EHMT1: variants seen among roughly 807,000 people sequenced by gnomAD.
EHMT1 encodes the protein histone-lysine N-methyltransferase EHMT1.
EHMT1 carries 15 observed loss-of-function variants against 147.2 expected under a neutral mutation model. The observed-to-expected ratio is 0.10, with a 90% CI of 0.07 to 0.16. The LOEUF is 0.16. Ranked by LOEUF, EHMT1 falls within the 10% of genes least tolerant of loss-of-function variation. The pLI is 1.00. For synonymous variants in EHMT1, 795 were observed against 709.6 expected, an observed-to-expected ratio of 1.12 and a Z score of -1.91; for missense variants, 1,587 against 1,772.4, an observed-to-expected ratio of 0.90 and a Z score of 1.88.
At chr9:137,811,726 C>T in intron 19 of EHMT1, 111 bp downstream of exon 19, 2 of 1,427,400 alleles carry the variant, frequency 1.4e-6, no homozygotes, top group Non-Finnish European at 1.9e-6. Context: ...GACACAGGCC[C>T]TCTGTTCCTT....
chr9:137,649,470 A>G (rs1166206663), intron 1 of EHMT1, among the ~76,000 whole-genome samples: 2 of 151,714 alleles, frequency 1.3e-5, no homozygotes, highest in East Asian at 3.9e-4. Flanking sequence ...AAACAAACAA[A>G]CAAACAAACA....
In EHMT1 at chr9:137,776,770, C is replaced by G; in HGVS notation, c.1944C>G (p.Thr648=). 6.2e-7 allele frequency: 1 copy of G among 1,614,082 alleles called. No individual in the cohort carries two copies. The highest frequency in any genetic ancestry group is 8.5e-7 in the Non-Finnish European group (1 of 1,180,026). The part of the protein sequence containing the change: ...KEVTIAKADT[T]STVTPVPGQE... Reference sequence around the variant, plus strand: ...TGACGATAGCTAAAGCAGACACCACCTCGACCGTGACACCAGTCCCCGGGC... The same window carrying G: ...TGACGATAGCTAAAGCAGACACCACGTCGACCGTGACACCAGTCCCCGGGC... The change falls in exon 12 of 27, where the codon ACC becomes ACG. Residue 648 remains threonine, a synonymous_variant. Coordinates refer to ENST00000460843, the MANE Select transcript of EHMT1 (RefSeq NM_024757.5). The surrounding 1 kb of genome is among the most constrained non-coding windows in gnomAD (Gnocchi z 4.4).
intron 25 of EHMT1, among the ~76,000 whole-genome samples, chr9:137,823,300 G>T (rs1296164066): frequency 1.3e-5 from 2 of 151,292 alleles, no homozygotes; most frequent in Admixed American, 6.6e-5. Context: ...GGGTTTCACC[G>T]TGTTAGCCAG....
In EHMT1 at chr9:137,716,967, C is replaced by G; in HGVS notation, c.427C>G (p.Leu143Val). ...QAQPLRTTST[L>V]ASSLPGHAAK... ...ACAGCCCTTGAGGACTACCAGCACT[C>G]TGGCCTCTTCGCTGCCTGGCCATGC... The change falls in exon 3 of 27, where the codon CTG (leucine) becomes GTG (valine). Residue 143 changes from leucine (L) to valine (V), a missense_variant. Coordinates refer to ENST00000460843, the MANE Select transcript of EHMT1 (RefSeq NM_024757.5). 1.2e-6 allele frequency: 2 copies of G among 1,611,532 alleles called. No individual in the cohort carries two copies. Among genetic ancestry groups the G allele is most frequent in the African/African-American group, 1.3e-5 (1 of 74,990 alleles).
chr9:137,763,506 A>T, intron 10 of EHMT1: 1 of 156,250 alleles, frequency 6.4e-6, no homozygotes, highest in African/African-American at 2.4e-5. Flanking sequence ...CCGGGCTTGC[A>T]TTTGCTGTGG....
intron 25 of EHMT1, among the ~76,000 whole-genome samples, chr9:137,830,107 T>C: frequency 6.9e-6 from 1 of 145,292 alleles, no homozygotes; most frequent in East Asian, 1.9e-4. Context: ...TTACTTTTTT[T>C]TTTTGTTTAC....
At chr9:137,640,034 G>C (rs1356203032) in intron 1 of EHMT1, among the ~76,000 whole-genome samples, 1 of 151,998 alleles carries the variant, frequency 6.6e-6, no homozygotes. Context: ...TCCCGGGTTC[G>C]AGTGATTGTC....
intron 16 of EHMT1, among the ~76,000 whole-genome samples, chr9:137,793,035 A>G (rs1319283654): frequency 6.6e-6 from 1 of 152,170 alleles, no homozygotes; most frequent in Non-Finnish European, 1.5e-5. Context: ...CCTCAGTACG[A>G]TCTGTTGAAA....
chr9:137,658,541 G>A (rs891787115), intron 1 of EHMT1, among the ~76,000 whole-genome samples: 5 of 151,042 alleles, frequency 3.3e-5, no homozygotes, highest in Admixed American at 2.6e-4. Context: ...CTTTACCTTG[G>A]TTTATTTATC....
chr9:137,813,625 C>A lies in EHMT1; in HGVS notation c.3180+95C>A. 2 of 1,552,686 alleles carry A rather than the reference C, an allele frequency of 1.3e-6. No individual in the cohort carries two copies. The highest frequency in any genetic ancestry group is 1.2e-5 in the South Asian group (1 of 86,422). On this transcript the variant is annotated intron_variant, in intron 21 of 26. Coordinates refer to ENST00000460843, the MANE Select transcript of EHMT1 (RefSeq NM_024757.5). This position sits in a 1 kb window ranked among gnomAD's most constrained non-coding sequence, Gnocchi z 4.9. ...GGTCCTGGGTTCTCACCACTCAGAGCAGGAGGGCTTATGGGGGGCTTCCCA... is the reference window on the plus strand; with the variant it reads ...GGTCCTGGGTTCTCACCACTCAGAGAAGGAGGGCTTATGGGGGGCTTCCCA...
chr9:137,722,888 T>C (rs1471157947), intron 3 of EHMT1, among the ~76,000 whole-genome samples: 2 of 150,250 alleles, frequency 1.3e-5, no homozygotes. Context: ...GCCCGGGGTG[T>C]GTCTGTGTCT....
intron 18 of EHMT1, among the ~76,000 whole-genome samples, chr9:137,809,163 A>T (rs778392449): frequency 5.1e-4 from 77 of 152,182 alleles, no homozygotes; most frequent in Non-Finnish European, 4.0e-4. Context: ...TTTAGAAGTC[A>T]AGGGAACAGT....
intron 1 of EHMT1, among the ~76,000 whole-genome samples, chr9:137,686,238 T>C (rs1942415447): frequency 6.6e-6 from 1 of 151,990 alleles, no homozygotes; most frequent in Admixed American, 6.5e-5. Flanking sequence ...TGTTTTTTCT[T>C]TGGTTGCTTG....
intron 3 of EHMT1, among the ~76,000 whole-genome samples, chr9:137,718,176 G>C (rs1036829068): frequency 6.0e-5 from 9 of 150,880 alleles, no homozygotes; most frequent in Non-Finnish European, 7.4e-5. Context: ...TTCACACACA[G>C]GGCGCGCCCG....
intron 25 of EHMT1, among the ~76,000 whole-genome samples, chr9:137,827,059 C>G (rs1329490097): frequency 6.6e-6 from 1 of 152,208 alleles, no homozygotes; most frequent in East Asian, 1.9e-4. Flanking sequence ...TGCCTTCACA[C>G]CTGTTCCATG....
chr9:137,781,233 G>GTGACGACGCTGGGACGTGTGA (rs1564748858), intron 14 of EHMT1, among the ~76,000 whole-genome samples: 2 of 94,984 alleles, frequency 2.1e-5, no homozygotes, highest in East Asian at 2.1e-4. Flanking sequence ...GGGACGTGTG[G>GTGACGACGCTGGGACGTGTGA]TGACGACGCT....
In EHMT1 at chr9:137,671,619, G is replaced by A. The variant is rs189431561; in HGVS notation, c.22-39348G>A. Among the ~76,000 whole-genome samples, 13 of 150,852 alleles carry A rather than the reference G, an allele frequency of 8.6e-5. No individual in the cohort carries two copies. In the East Asian group the frequency reaches 2.5e-3, roughly 29 times the overall value. On this transcript the variant is annotated intron_variant, in intron 1 of 26. Coordinates refer to ENST00000460843, the MANE Select transcript of EHMT1 (RefSeq NM_024757.5). ...GGCTCATTGCAACCTCTGCCTCTCG[G>A]GCTCAAGCTATTCTCCCACCACAGC...
Position 137,813,078 on chromosome 9 carries a change from C to T in EHMT1, c.2940C>T (p.Ser980=). Residue 980 remains serine (S), a synonymous_variant, in exon 20 of 27, where the codon AGC becomes AGT. Transcript: ENST00000460843. This position sits in a 1 kb window ranked among gnomAD's most constrained non-coding sequence, Gnocchi z 4.9. ...GAGAGACGCCCCTGCAGTGTGCGAG[C>T]CTCAACTCTCAGGTGTGGAGCGCTC... is the stretch of plus-strand genomic sequence containing the variant. ...KEGETPLQCA[S]LNSQVWSALQ... The T allele has an allele frequency of 4.3e-6, 7 of 1,613,818 alleles. No individual in the cohort carries two copies. The highest frequency in any genetic ancestry group is 2.2e-5 in the East Asian group (1 of 44,886).
chr9:137,707,670 A>G (rs368152395), intron 1 of EHMT1, among the ~76,000 whole-genome samples: 2 of 152,232 alleles, frequency 1.3e-5, no homozygotes, highest in East Asian at 3.8e-4. Context: ...GTTACATAGC[A>G]TTCTTAAACA....
Sources: gnomAD v4.1 joint callset for allele counts (sites outside exome capture counted in the v4.1 genomes callset) on GRCh38, gnomAD v4.1.1 for gene constraint, Gnocchi (gnomAD v3.1) non-coding constraint, MANE v1.5 for transcripts, NCBI Gene and HGNC (gene_info 2026-07-23, HGNC 2026-07-21) for gene names.